The following PLXND1 variants were observed in gnomAD, a reference collection of about 807,000 sequenced individuals.
PLXND1 encodes the protein plexin D1, also known as plexin-D1.
PLXND1 carries 54 observed loss-of-function variants against 197.7 expected under a neutral mutation model. The ratio of observed to expected loss-of-function variants is 0.27; its 90% confidence interval spans 0.22 to 0.34. The LOEUF is 0.34. Among genes scored for constraint, PLXND1 ranks in the 10% least tolerant of loss-of-function variants. The pLI is 1.00. For missense variants in PLXND1, 2,127 were observed against 2,699.2 expected (o/e 0.79, Z 4.70); for synonymous variants, 1,180 against 1,161.2 (o/e 1.02, Z -0.33).
chr3:129,572,744 G>C lies in PLXND1; in HGVS notation c.2942C>G (p.Pro981Arg), dbSNP rs1297651687. 6.3e-7 allele frequency: 1 copy of C among 1,598,588 alleles called. No individual in the cohort carries two copies. ...KSRDRFSYVLPLVHSLEPTMG... is the reference protein window; with the variant it reads ...KSRDRFSYVLRLVHSLEPTMG... ...GGTAGGCTCCAGGGAGTGGACCAGG[G>C]GCAGCTGTGGGAGGAAGGCAGGCGT... is the stretch of plus-strand genomic sequence containing the variant. Residue 981 changes from proline to arginine, a missense_variant, in exon 15 of 36, where the codon CCC (proline) becomes CGC (arginine). Transcript: ENST00000324093.
chr3:129,561,419 G>A (rs2085058328), intron 29 of PLXND1, among the ~76,000 whole-genome samples: 2 of 152,182 alleles, frequency 1.3e-5, no homozygotes, highest in Admixed American at 6.5e-5. Context: ...CCGCCCTCCC[G>A]GGGCCTCTCT....
chr3:129,566,687 G>C, intron 22 of PLXND1, 56 bp from the exon 23 acceptor site: 1 of 1,087,262 alleles, frequency 9.2e-7, no homozygotes, highest in Admixed American at 2.0e-5. Flanking sequence ...TGCTGGCATG[G>C]AAAGGTCACT....
intron 20 of PLXND1, among the ~76,000 whole-genome samples, chr3:129,568,401 T>C (rs940057324): frequency 2.6e-5 from 4 of 152,188 alleles, no homozygotes; most frequent in African/African-American, 9.7e-5. Context: ...GTATTAATGA[T>C]GGGTATTTTT....
At chr3:129,589,630 G>A (rs1415490451) in intron 1 of PLXND1, 103 bp from the exon 2 acceptor site, 1 of 1,020,066 alleles carries the variant, frequency 9.8e-7, no homozygotes, top group East Asian at 2.6e-5. Context: ...GAGCTTTCAA[G>A]TCTTGTTCCT....
rs1251374664 is a variant in PLXND1, at chr3:129,596,824, G to A, written c.1312-7297C>T. The stretch of plus-strand genomic sequence containing the variant: ...CTCTACCGCTGGTCCCAGAGTCATC[G>A]CACGACCGCTGTGGACACAGCCAAG... On this transcript the variant is annotated intron_variant, in intron 1 of 35. Transcript: ENST00000324093. 7.2e-5 allele frequency among the ~76,000 whole-genome samples: 11 copies of A among 152,176 alleles called. No individual in the cohort carries two copies. In the East Asian group the frequency reaches 1.4e-3, roughly 19 times the overall value.
chr3:129,556,229 A>T lies in PLXND1; in HGVS notation c.*83T>A. On this transcript the variant is annotated 3_prime_UTR_variant, in exon 36 of 36. Coordinates refer to ENST00000324093, the MANE Select transcript of PLXND1 (RefSeq NM_015103.3). ...TGCTCAGTATTTCCCAGTCTGAGTC[A>T]CAGGCACGGGGTAGAAGATCAAGTT... 1.1e-6 allele frequency: 1 copy of T among 934,256 alleles called. No homozygotes were observed. The highest frequency in any genetic ancestry group is 1.7e-6 in the Non-Finnish European group (1 of 574,324). The allele number at this position is 934,256 out of a possible 1,614,324, so 57.9% of individuals were successfully genotyped here.
Position 129,558,608 on chromosome 3 carries a change from A to C in PLXND1, c.5298-33T>G, listed in dbSNP as rs771315821. The C allele has an allele frequency of 6.2e-7, 1 of 1,605,090 alleles. No homozygotes were observed. The highest frequency in any genetic ancestry group is 8.5e-7 in the Non-Finnish European group (1 of 1,173,610). On this transcript the variant is annotated intron_variant, in intron 32 of 35. Coordinates refer to ENST00000324093, the MANE Select transcript of PLXND1 (RefSeq NM_015103.3). This position sits in a 1 kb window ranked among gnomAD's most constrained non-coding sequence, Gnocchi z 4.1. ...GTAGGGTGACAAAGACAGTGAGGGT[A>C]GGGTGGGGTAGGAAGCAGTCGAGGG...
intron 15 of PLXND1, 46 bp from the exon 16 acceptor site, chr3:129,571,890 C>T: frequency 2.6e-6 from 4 of 1,519,112 alleles, no homozygotes; most frequent in Non-Finnish European, 3.6e-6. Context: ...TTCTGCTGCT[C>T]ACCCACCGCC....
intron 1 of PLXND1, among the ~76,000 whole-genome samples, chr3:129,603,911 G>C (rs760495595): frequency 1.3e-5 from 2 of 152,136 alleles, no homozygotes; most frequent in Non-Finnish European, 2.9e-5. Context: ...AGCTGAAGTG[G>C]GCTCGCCAGA....
At chr3:129,586,505 G>C in intron 3 of PLXND1, 83 bp downstream of exon 3, 1 of 1,485,336 alleles carries the variant, frequency 6.7e-7, no homozygotes, top group East Asian at 2.5e-5. Flanking sequence ...GCTCCCAGCA[G>C]AGGAACAGCG....
At position 129,585,994 on chromosome 3, in the gene PLXND1, C is replaced by A; in HGVS notation, c.1809G>T (p.Met603Ile). Residue 603 changes from methionine to isoleucine, a missense_variant, in exon 5 of 36, where the codon ATG becomes ATT. Transcript: ENST00000324093. ...ASEGPSRCPA[M>I]TVLPSEIDVR... The stretch of plus-strand genomic sequence containing the variant: ...CATCGATCTCGGAAGGCAGGACGGT[C>A]ATGGCAGGACAGCGGCTGGGGCCCT... 1 of 1,614,016 alleles carries A rather than the reference C, an allele frequency of 6.2e-7. No homozygotes were observed. The highest frequency in any genetic ancestry group is 1.1e-5 in the South Asian group (1 of 91,046).
chr3:129,574,498 GAC>G lies in PLXND1; in HGVS notation c.2531-10_2531-9del, dbSNP rs2085283959. On this transcript the variant is annotated splice_polypyrimidine_tract_variant and intron_variant, in intron 11 of 35. Coordinates refer to ENST00000324093, the MANE Select transcript of PLXND1 (RefSeq NM_015103.3). ...CACAGTTATAGACCATGACTGGGGA[GAC>G]ACGGGGCAGCTCGGTCAGCCCCGCT... 1 of 1,611,304 alleles carries G rather than the reference GAC, an allele frequency of 6.2e-7. No homozygotes were observed. Among genetic ancestry groups the G allele is most frequent in the African/African-American group, 1.3e-5 (1 of 74,888 alleles).
In PLXND1 at chr3:129,571,076, C is replaced by T. The variant is rs988170028; in HGVS notation, c.3564G>A (p.Lys1188=). Residue 1188 remains lysine, a synonymous_variant, in exon 18 of 36, where the codon AAG becomes AAA. Coordinates refer to ENST00000324093, the MANE Select transcript of PLXND1 (RefSeq NM_015103.3). ...FSTAKREKWI[K]HHPGEPLTLV... is the part of the protein sequence containing the mutation. Reference sequence around the variant, plus strand: ...GGGTGAGAGGCTCCCCGGGGTGGTGCTTGATCCACTTCTCCCTCTTGGCCG... The same window carrying T: ...GGGTGAGAGGCTCCCCGGGGTGGTGTTTGATCCACTTCTCCCTCTTGGCCG... 11 of 1,614,056 alleles carry T rather than the reference C, an allele frequency of 6.8e-6. No homozygotes were observed. The highest frequency in any genetic ancestry group is 1.3e-5 in the African/African-American group (1 of 74,922).
At chr3:129,594,870 A>G (rs1026156888) in intron 1 of PLXND1, among the ~76,000 whole-genome samples, 5 of 76,308 alleles carry the variant, frequency 6.6e-5, no homozygotes, top group Non-Finnish European at 1.3e-4. Context: ...TTTATTTTGT[A>G]AAAAAAAAAA....
At chr3:129,559,279 G>A (rs2085021910) in intron 32 of PLXND1, 1 of 224,302 alleles carries the variant, frequency 4.5e-6, no homozygotes, top group African/African-American at 2.3e-5. Flanking sequence ...GTGGTCTTGA[G>A]CAGGTGCTGC....
At chr3:129,564,649 G>T (rs1488820624) in intron 25 of PLXND1, among the ~76,000 whole-genome samples, 1 of 152,262 alleles carries the variant, frequency 6.6e-6, no homozygotes, top group Non-Finnish European at 1.5e-5. Flanking sequence ...GCTCTGCGAA[G>T]AGAGCTTATG....
In PLXND1 at chr3:129,559,710, G is replaced by A; in HGVS notation, c.5207C>T (p.Ala1736Val). 1 of 1,613,166 alleles carries A rather than the reference G, an allele frequency of 6.2e-7. No individual in the cohort carries two copies. The highest frequency in any genetic ancestry group is 2.2e-5 in the East Asian group (1 of 44,870). Residue 1736 changes from alanine (A) to valine (V), a missense_variant, in exon 32 of 36, where the codon GCT becomes GTT. By Grantham distance (64) the Ala-to-Val change is moderately conservative (BLOSUM62 0). Transcript: ENST00000324093. ...CAGGAAGTCGAAAAAGTACTTGACA[G>A]CCAGTGGGGGCTTGTCTTCACGGAT... ...LSIREDKPPL[A>V]VKYFFDFLEE...
intron 15 of PLXND1, 96 bp from the exon 16 acceptor site, chr3:129,571,940 C>A: frequency 8.0e-7 from 1 of 1,247,560 alleles, no homozygotes; most frequent in South Asian, 1.4e-5. Flanking sequence ...ACGCACTTGG[C>A]CTGGGGTTCA....
intron 1 of PLXND1, among the ~76,000 whole-genome samples, chr3:129,603,236 T>C (rs1485646772): frequency 2.6e-5 from 4 of 152,156 alleles, no homozygotes; most frequent in Non-Finnish European, 5.9e-5. Flanking sequence ...GAAGAGGCCC[T>C]TCGCCACTCT....
Sources: gnomAD v4.1 joint callset for allele counts (sites outside exome capture counted in the v4.1 genomes callset) on GRCh38, gnomAD v4.1.1 for gene constraint, Gnocchi (gnomAD v3.1) non-coding constraint, MANE v1.5 for transcripts, NCBI Gene and HGNC (gene_info 2026-07-23, HGNC 2026-07-21) for gene names.